COL12A1: variants seen among roughly 807,000 people sequenced by gnomAD.
COL12A1 encodes collagen alpha-1(XII) chain.
In COL12A1, 114 loss-of-function variants were observed where a neutral mutation model predicts 349.7. The ratio of observed to expected loss-of-function variants is 0.33; its 90% CI spans 0.28 to 0.38. The LOEUF is 0.38. Ranked by LOEUF, COL12A1 falls within the 10% of genes least tolerant of loss-of-function variation. COL12A1 has a pLI of 1.00. For missense variants in COL12A1, 3,284 were observed against 3,756.9 expected (o/e 0.87, Z 3.29); for synonymous variants, 1,369 against 1,329.0 (o/e 1.03, Z -0.66).
In COL12A1 at chr6:75,126,356, G is replaced by A; in HGVS notation, c.6455C>T (p.Pro2152Leu). 2 of 1,609,184 alleles carry A rather than the reference G, an allele frequency of 1.2e-6. No individual in the cohort carries two copies. Among genetic ancestry groups the A allele is most frequent in the African/African-American group, 2.7e-5 (2 of 74,858 alleles). Residue 2152 changes from proline (P) to leucine (L), a missense_variant, in exon 39 of 66, where the codon CCA becomes CTA. This residue lies in a region of COL12A1 where 2,601 missense variants were observed against 2,824.8 expected (regional missense o/e 0.92). Coordinates refer to ENST00000322507, the MANE Select transcript of COL12A1 (RefSeq NM_004370.6). ...TGACAAAGGCACTTCCTTACCCACT[G>A]GCTTATATACTATTTTATATCCAAG... ...PVLGYKIVYK[P>L]VGSNEPMEAF...
chr6:75,175,406 A>T, intron 12 of COL12A1, 96 bp from the exon 13 acceptor site: 15 of 1,370,978 alleles, frequency 1.1e-5, no homozygotes, highest in Non-Finnish European at 1.5e-5. Context: ...GCACTACATC[A>T]AAGTTATATC....
chr6:75,096,234 C>T (rs897245005), intron 59 of COL12A1, among the ~76,000 whole-genome samples: 25 of 152,280 alleles, frequency 1.6e-4, no homozygotes, highest in African/African-American at 6.0e-4. Flanking sequence ...TCCTTTACTC[C>T]ATTAATTATG....
chr6:75,165,325 G>C (rs1193736017), intron 14 of COL12A1, among the ~76,000 whole-genome samples, 182 bp downstream of exon 14: 1 of 151,278 alleles, frequency 6.6e-6, no homozygotes, highest in Non-Finnish European at 1.5e-5. Context: ...TTCAAAATTT[G>C]ATATACTTTT....
chr6:75,162,299 CGTAAA>C (rs1353274463), intron 14 of COL12A1, among the ~76,000 whole-genome samples: 1 of 151,120 alleles, frequency 6.6e-6, no homozygotes, highest in Admixed American at 6.6e-5. Flanking sequence ...GTACCAAAAA[CGTAAA>C]GTGCAATAAA....
intron 64 of COL12A1, among the ~76,000 whole-genome samples, chr6:75,088,862 G>A (rs1017390995): frequency 1.3e-4 from 20 of 151,946 alleles, no homozygotes; most frequent in South Asian, 8.3e-4. Flanking sequence ...TTAGCCAGGC[G>A]TGGTGGCGGG....
At chr6:75,130,365 T>C in intron 36 of COL12A1, 132 bp from the exon 37 acceptor site, 2 of 910,526 alleles carry the variant, frequency 2.2e-6, no homozygotes, top group Admixed American at 2.9e-5. Context: ...AAAATATACA[T>C]TTATGGTTTT....
At chr6:75,166,037 G>A (rs1402949388) in intron 13 of COL12A1, among the ~76,000 whole-genome samples, 1 of 151,680 alleles carries the variant, frequency 6.6e-6, no homozygotes, top group Non-Finnish European at 1.5e-5. Context: ...TTGTCCTTCA[G>A]GACAAGATTG....
At chr6:75,098,250 C>T (rs530391435) in intron 58 of COL12A1, among the ~76,000 whole-genome samples, 1 of 152,300 alleles carries the variant, frequency 6.6e-6, no homozygotes, top group Non-Finnish European at 1.5e-5. Flanking sequence ...AAAATCCTGA[C>T]CACCTAATTA....
intron 43 of COL12A1, among the ~76,000 whole-genome samples, chr6:75,122,383 C>T (rs1197153128): frequency 6.6e-6 from 1 of 152,082 alleles, no homozygotes; most frequent in African/African-American, 2.4e-5. Context: ...ACGTACCACT[C>T]AGATGTGGGA....
intron 55 of COL12A1, 54 bp downstream of exon 55, chr6:75,103,703 A>C: frequency 1.3e-6 from 2 of 1,528,658 alleles, no homozygotes; most frequent in Non-Finnish European, 9.0e-7. Context: ...AAATTTGAAC[A>C]ACCAGATTTC....
rs780640197 is a variant in COL12A1, at chr6:75,123,425, T to G, written c.6872-21A>C. The stretch of plus-strand genomic sequence containing the variant: ...CACAGCTAAAATTTAAAAATAATAA[T>G]TATAAAAACACACCATGTGCACATT... On this transcript the variant is annotated intron_variant, in intron 42 of 65. Coordinates refer to ENST00000322507, the MANE Select transcript of COL12A1 (RefSeq NM_004370.6). 3 of 1,524,778 alleles carry G rather than the reference T, an allele frequency of 2.0e-6. No homozygotes were observed. The East Asian group carries it at 7.4e-5, about 37-fold the overall frequency. The allele number at this position is 1,524,778 out of a possible 1,614,324, so 94.5% of individuals were successfully genotyped here. A position where few individuals can be genotyped will look rare whatever the true frequency, so the allele number is the denominator to read the frequency against.
rs780442166 is a variant in COL12A1 at position 75,183,204 on chromosome 6, G to A, written c.1737C>T (p.Ala579=). Residue 579 remains alanine, a synonymous_variant, in exon 10 of 66, where the codon GCC becomes GCT. Transcript: ENST00000322507. The part of the protein sequence containing the change: ...VEIFAVGVKD[A]VRSELEAIAS... ...CAATAGCTTCCAATTCTGAGCGAAC[G>A]GCATCCTTCACACCAACTGCAAAGA... 2.7e-5 allele frequency: 44 copies of A among 1,614,010 alleles called. No individual in the cohort carries two copies. Among genetic ancestry groups the A allele is most frequent in the East Asian group, 1.1e-4 (5 of 44,894 alleles).
intron 51 of COL12A1, among the ~76,000 whole-genome samples, chr6:75,110,085 T>C (rs1006187335): frequency 9.9e-5 from 15 of 152,070 alleles, no homozygotes; most frequent in Admixed American, 9.2e-4. Context: ...CTGTGATAAA[T>C]ATAAATTCCA....
chr6:75,106,208 C>A (rs1192243164), intron 53 of COL12A1, among the ~76,000 whole-genome samples: 2 of 152,032 alleles, frequency 1.3e-5, no homozygotes, highest in South Asian at 2.1e-4. Context: ...GGGAGAAGTC[C>A]CAGAAACAGT....
intron 37 of COL12A1, 103 bp downstream of exon 37, chr6:75,129,988 C>CA: frequency 7.5e-7 from 1 of 1,326,964 alleles, no homozygotes; most frequent in Non-Finnish European, 1.0e-6. Context: ...GTGTGACTAT[C>CA]AAGGACTCAA....
intron 14 of COL12A1, among the ~76,000 whole-genome samples, chr6:75,157,348 A>C (rs2149425921): frequency 6.6e-6 from 1 of 152,238 alleles, no homozygotes; most frequent in East Asian, 1.9e-4. Flanking sequence ...TAAGCTAAAC[A>C]AAATTCAAAA....
At chr6:75,191,651 C>T in intron 5 of COL12A1, 50 bp downstream of exon 5, 1 of 1,291,680 alleles carries the variant, frequency 7.7e-7, no homozygotes, top group East Asian at 2.5e-5. Flanking sequence ...TTCTATCCTA[C>T]ATTTATGACT....
In COL12A1 at chr6:75,183,964, TCGCG is replaced by T; in HGVS notation, c.1174_1177del (p.Arg392ThrfsTer15). 6.2e-7 allele frequency: 1 copy of T among 1,614,108 alleles called. No individual in the cohort carries two copies. The highest frequency in any genetic ancestry group is 8.5e-7 in the Non-Finnish European group (1 of 1,180,018). ...CTGGTATTCTGTGTCTGCTGAGAGG[TCGCG>T]AACACTGAGCGTGGTTGTCTGAGGC... On this transcript the variant is annotated frameshift_variant, in exon 9 of 66. Coordinates refer to ENST00000322507, the MANE Select transcript of COL12A1 (RefSeq NM_004370.6). LOFTEE classifies it high-confidence loss of function.
intron 11 of COL12A1, among the ~76,000 whole-genome samples, chr6:75,178,834 T>C (rs1300726100): frequency 4.6e-5 from 7 of 152,022 alleles, no homozygotes; most frequent in Admixed American, 4.6e-4. Context: ...GAAGTATATC[T>C]CTCTAGAAGA....
Sources: allele counts gnomAD v4.1 joint callset (sites outside exome capture counted in the v4.1 genomes callset), GRCh38; gene constraint gnomAD v4.1.1; regional missense constraint gnomAD v4.1.1; transcripts MANE v1.5; gene names NCBI Gene and HGNC (gene_info 2026-07-23, HGNC 2026-07-21).